The following BCL2L13 variants were observed in gnomAD, a reference collection of about 807,000 sequenced individuals.
BCL2L13 encodes bcl-2-like protein 13.
A neutral mutation model predicts 25.8 loss-of-function variants in BCL2L13; 13 were observed. The observed-to-expected ratio is 0.50, with a 90% CI of 0.33 to 0.80. The LOEUF is 0.80. BCL2L13 is among the 30% of genes least tolerant of loss of function. The probability of loss-of-function intolerance (pLI) is 0.02; values close to 1 mark genes in which losing one functional copy is unlikely to be tolerated. For missense variants in BCL2L13, 504 were observed against 574.9 expected (o/e 0.88, Z 1.26); for synonymous variants, 244 against 230.3 (o/e 1.06, Z -0.54).
chr22:17,678,631 G>A (rs1016484753), intron 2 of BCL2L13, among the ~76,000 whole-genome samples: 1 of 152,150 alleles, frequency 6.6e-6, no homozygotes, highest in African/African-American at 2.4e-5. Flanking sequence ...GAAATTAAAT[G>A]AAATAACACA....
Position 17,638,986 on chromosome 22 carries a change from C to T in BCL2L13, c.-51+100C>T, listed in dbSNP as rs1369290806. ...AGACCGTATCGAGCCACCGACTCCC[C>T]AGTGGTTCCGACGACGCGTGAGTTT... On this transcript the variant is annotated intron_variant, in intron 1 of 6. Transcript: ENST00000317582. The T allele has an allele frequency of 9.1e-6, 9 of 990,796 alleles. No homozygotes were observed. In the East Asian group the frequency reaches 2.3e-4, roughly 25 times the overall value. 61.4% of individuals were successfully genotyped at this position (990,796 alleles called of 1,614,324 possible). A position where few individuals can be genotyped will look rare whatever the true frequency, so the allele number is the denominator to read the frequency against.
At chr22:17,631,707 T>TA (rs55897356) in intron 1 of BCL2L13, among the ~76,000 whole-genome samples, 12 of 9,088 alleles carry the variant, frequency 1.3e-3, no homozygotes, top group South Asian at 0.01. Context: ...TATATATATA[T>TA]TTTTTTTTTT....
intron 3 of BCL2L13, among the ~76,000 whole-genome samples, chr22:17,684,934 G>A (rs535187558): frequency 2.1e-3 from 325 of 151,936 alleles, no homozygotes; most frequent in Non-Finnish European, 3.7e-3. Context: ...GGGTTTCAGC[G>A]TGTTAGCCAG....
chr22:17,655,936 T>G (rs1364052911), intron 2 of BCL2L13, 104 bp downstream of exon 2: 1 of 1,175,214 alleles, frequency 8.5e-7, no homozygotes, highest in Non-Finnish European at 1.2e-6. Flanking sequence ...ATAGTACTAA[T>G]AAGCCTGTAA....
Position 17,645,961 on chromosome 22 carries a change from C to T in BCL2L13, c.-51+7075C>T, listed in dbSNP as rs932640874. The stretch of plus-strand genomic sequence containing the variant: ...TATAACAGCTATTTAATGGCATTTA[C>T]ATTGTCTTAGGTATTATAAGTAATC... On this transcript the variant is annotated intron_variant, in intron 1 of 6. Coordinates refer to ENST00000317582, the MANE Select transcript of BCL2L13 (RefSeq NM_015367.4). 7.9e-5 allele frequency among the ~76,000 whole-genome samples: 12 copies of T among 151,450 alleles called. 2 individuals are homozygous for T. The highest frequency in any genetic ancestry group is 2.2e-4 in the African/African-American group (9 of 40,786).
chr22:17,686,445 T>TG (rs2059940378), intron 3 of BCL2L13, among the ~76,000 whole-genome samples: 2 of 150,820 alleles, frequency 1.3e-5, no homozygotes, highest in East Asian at 1.9e-4. Context: ...GTGAGACCAT[T>TG]TAAAAAAAAT....
At chr22:17,680,600 G>A (rs946983150) in intron 2 of BCL2L13, among the ~76,000 whole-genome samples, 2 of 149,342 alleles carry the variant, frequency 1.3e-5, no homozygotes, top group African/African-American at 2.5e-5. Flanking sequence ...AGGAGGAAGG[G>A]TTCTCCAGCT....
In BCL2L13 at chr22:17,717,759, G is replaced by A. The variant is rs568661332; in HGVS notation, c.601-8918G>A. ...TTATATCATCCAAGTTGGATTGCAG[G>A]CTTTTAGGAGTCTTTGCATTGCTTC... On this transcript the variant is annotated intron_variant, in intron 6 of 6. Coordinates refer to ENST00000317582, the MANE Select transcript of BCL2L13 (RefSeq NM_015367.4). 2.6e-5 allele frequency among the ~76,000 whole-genome samples: 4 copies of A among 152,118 alleles called. No individual in the cohort carries two copies. The South Asian group carries it at 8.3e-4, about 32-fold the overall frequency.
At chr22:17,664,205 G>T (rs147799616) in intron 2 of BCL2L13, among the ~76,000 whole-genome samples, 1 of 151,882 alleles carries the variant, frequency 6.6e-6, no homozygotes, top group African/African-American at 2.4e-5. Flanking sequence ...GGCTGGTCTC[G>T]AACTCCTGAC....
chr22:17,699,598 G>A (rs2060371253), intron 5 of BCL2L13, among the ~76,000 whole-genome samples: 1 of 152,062 alleles, frequency 6.6e-6, no homozygotes, highest in Non-Finnish European at 1.5e-5. Flanking sequence ...ATATGATGTG[G>A]GGATTACTGT....
chr22:17,665,816 T>C (rs1022590090), intron 2 of BCL2L13, among the ~76,000 whole-genome samples: 1 of 152,210 alleles, frequency 6.6e-6, no homozygotes, highest in African/African-American at 2.4e-5. Context: ...CTTATTTCTT[T>C]TTATTGTTGA....
intron 2 of BCL2L13, among the ~76,000 whole-genome samples, chr22:17,675,075 TACAC>T (rs10537282): frequency 2.6e-5 from 4 of 151,414 alleles, no homozygotes; most frequent in South Asian, 2.1e-4. Flanking sequence ...TACATATGTA[TACAC>T]ACACACACAC....
chr22:17,644,115 T>C (rs2058388632), intron 1 of BCL2L13, among the ~76,000 whole-genome samples: 1 of 151,180 alleles, frequency 6.6e-6, no homozygotes, highest in Non-Finnish European at 1.5e-5. Flanking sequence ...TTCACCATGT[T>C]GGCCAGGCTG....
upstream of BCL2L13, among the ~76,000 whole-genome samples, chr22:17,634,652 CAATT>C (rs2058076387): frequency 6.6e-6 from 1 of 152,226 alleles, no homozygotes; most frequent in Non-Finnish European, 1.5e-5. Flanking sequence ...ATTCAATAAA[CAATT>C]GATTGGCCAG....
chr22:17,633,203 T>A (rs2058057307), intron 1 of BCL2L13, among the ~76,000 whole-genome samples: 1 of 152,208 alleles, frequency 6.6e-6, no homozygotes, highest in Admixed American at 6.5e-5. Context: ...AAATCGTAGG[T>A]ATAGTTACTA....
rs1236164153 is a variant in BCL2L13, at chr22:17,654,560, C to T, written c.-50-1102C>T. On this transcript the variant is annotated intron_variant, in intron 1 of 6. Coordinates refer to ENST00000317582, the MANE Select transcript of BCL2L13 (RefSeq NM_015367.4). ...GCCTCAGCCTCCCGAGTAGCTGGGACTACAGGTGCCCGCCATCACGCCCGG... is the reference window on the plus strand; with the variant it reads ...GCCTCAGCCTCCCGAGTAGCTGGGATTACAGGTGCCCGCCATCACGCCCGG... Among the ~76,000 whole-genome samples, 4 of 151,980 alleles carry T rather than the reference C, an allele frequency of 2.6e-5. No homozygotes were observed. In the South Asian group the frequency reaches 8.3e-4, roughly 32 times the overall value.
chr22:17,637,487 G>C (rs1477246827), upstream of BCL2L13, among the ~76,000 whole-genome samples: 1 of 150,256 alleles, frequency 6.7e-6, no homozygotes, highest in African/African-American at 2.4e-5. Flanking sequence ...CGATTCTCCT[G>C]CATCGGCCTC....
intron 1 of BCL2L13, among the ~76,000 whole-genome samples, chr22:17,654,636 G>T (rs376064849): frequency 1.3e-5 from 2 of 151,308 alleles, no homozygotes; most frequent in East Asian, 3.9e-4. Context: ...CTGTTAGCCA[G>T]GATGGTCTCG....
intron 1 of BCL2L13, among the ~76,000 whole-genome samples, chr22:17,651,931 C>G (rs2058703833): frequency 6.6e-6 from 1 of 151,934 alleles, no homozygotes; most frequent in Non-Finnish European, 1.5e-5. Flanking sequence ...ATTGCGTGAT[C>G]CACCTGCCTT....
Sources: allele counts gnomAD v4.1 joint callset (sites outside exome capture counted in the v4.1 genomes callset), GRCh38; gene constraint gnomAD v4.1.1; transcripts MANE v1.5; gene names NCBI Gene and HGNC (gene_info 2026-07-23, HGNC 2026-07-21).